Variants in CRISP2 observed in about 807,000 individuals in gnomAD.
The protein encoded by CRISP2 is cysteine rich secretory protein 2.
In CRISP2, 29 loss-of-function variants were observed where a neutral mutation model predicts 31.7. The observed-to-expected ratio is 0.92, with a 90% CI of 0.68 to 1.25. The LOEUF is 1.25. Ranked by LOEUF, CRISP2 falls within the 50% of genes most tolerant of loss-of-function variation. The probability of loss-of-function intolerance (pLI) is 0.00; values close to 1 mark genes in which losing one functional copy is unlikely to be tolerated. For missense variants in CRISP2, 318 were observed against 286.5 expected (o/e 1.11, Z -0.79); for synonymous variants, 111 against 101.4 (o/e 1.09, Z -0.57).
chr6:49,690,036 A>G (rs1763999017), downstream of CRISP2, among the ~76,000 whole-genome samples: 1 of 152,186 alleles, frequency 6.6e-6, no homozygotes, highest in South Asian at 2.1e-4. Context: ...ATTTAAAGAG[A>G]ACTTGCATTT....
chr6:49,712,779 G>C (rs1768260739), intron 1 of CRISP2, among the ~76,000 whole-genome samples, 175 bp from the exon 2 acceptor site: 1 of 152,158 alleles, frequency 6.6e-6, no homozygotes, highest in Non-Finnish European at 1.5e-5. Flanking sequence ...TCTGAGGTCA[G>C]ATTGTATTTC....
intron 3 of CRISP2, among the ~76,000 whole-genome samples, chr6:49,709,426 T>C (rs556831696): frequency 1.6e-4 from 24 of 152,304 alleles, no homozygotes; most frequent in Non-Finnish European, 3.2e-4. Context: ...TGAAGAACTC[T>C]ACTGATGCCC....
the CRISP2 span, among the ~76,000 whole-genome samples, chr6:49,679,905 G>A: frequency 6.6e-6 from 1 of 151,886 alleles, no homozygotes; most frequent in Non-Finnish European, 1.5e-5. Context: ...AGGTTTTCAC[G>A]ATGTTGGTCA....
intron 9 of CRISP2, 148 bp from the exon 10 acceptor site, chr6:49,693,048 G>T: frequency 1.4e-6 from 1 of 730,256 alleles, no homozygotes; most frequent in South Asian, 1.9e-5. Context: ...CTTTATGGCT[G>T]CATAGTATTC....
At chr6:49,702,164 T>C (rs867055874) in intron 4 of CRISP2, among the ~76,000 whole-genome samples, 1 of 120,862 alleles carries the variant, frequency 8.3e-6, no homozygotes, top group African/African-American at 2.9e-5. Flanking sequence ...TATATATATA[T>C]ATATATATAT....
rs1329482621 is a variant in CRISP2 at position 49,699,785 on chromosome 6, T to A, written c.271+19A>T. 7 of 1,515,168 alleles carry A rather than the reference T, an allele frequency of 4.6e-6. No homozygotes were observed. The highest frequency in any genetic ancestry group is 3.4e-5 in the Admixed American group (2 of 59,536). 93.9% of individuals were successfully genotyped at this position (1,515,168 alleles called of 1,614,324 possible). Reference sequence around the variant, plus strand: ...TTTATTCATTTATTTATTCAACAAATATTTACTAATTTACATACTGGTTTT... The same window carrying A: ...TTTATTCATTTATTTATTCAACAAAAATTTACTAATTTACATACTGGTTTT... On this transcript the variant is annotated intron_variant, in intron 6 of 9. Transcript: ENST00000339139.
chr6:49,689,613 AT>A (rs1763987485), downstream of CRISP2, among the ~76,000 whole-genome samples: 1 of 152,264 alleles, frequency 6.6e-6, no homozygotes, highest in African/African-American at 2.4e-5. Flanking sequence ...AATAATAACA[AT>A]AACGCTTTAA....
At position 49,701,700 on chromosome 6, in the gene CRISP2, T is replaced by TTATATATGTATACATTATA. The variant is rs1362375255; in HGVS notation, c.67-917_67-916insTATAATGTATACATATATA. 1.1e-4 allele frequency among the ~76,000 whole-genome samples: 11 copies of TTATATATGTATACATTATA among 98,578 alleles called. 1 individual carries two copies. Among genetic ancestry groups the TTATATATGTATACATTATA allele is most frequent in the African/African-American group, 2.8e-4 (6 of 21,648 alleles). 64.7% of individuals were successfully genotyped at this position (98,578 alleles called of 152,430 possible). ...TATGTATACATTATATATGTATACA[T>TTATATATGTATACATTATA]TATGTATACATATATAATGTATATA... On this transcript the variant is annotated intron_variant, in intron 4 of 9. Coordinates refer to ENST00000339139, the MANE Select transcript of CRISP2 (RefSeq NM_003296.4).
At chr6:49,700,538 G>A (rs1582066247) in intron 5 of CRISP2, 130 bp downstream of exon 5, 1 of 690,818 alleles carries the variant, frequency 1.4e-6, no homozygotes, top group Non-Finnish European at 2.6e-6. Flanking sequence ...TCCATATAAT[G>A]GTTCAAATAA....
chr6:49,695,108 T>TA (rs1186503622), intron 9 of CRISP2, among the ~76,000 whole-genome samples: 1 of 152,200 alleles, frequency 6.6e-6, no homozygotes, highest in Admixed American at 6.5e-5. Context: ...GTGTCAACTT[T>TA]ATCATTCATA....
chr6:49,678,631 T>C, the CRISP2 span, among the ~76,000 whole-genome samples: 3 of 152,060 alleles, frequency 2.0e-5, no homozygotes, highest in Non-Finnish European at 4.4e-5. Context: ...AGCATCGGGA[T>C]TTAAATTGAA....
At chr6:49,712,341 C>T (rs1582163537) in intron 2 of CRISP2, among the ~76,000 whole-genome samples, 160 bp downstream of exon 2, 2 of 152,200 alleles carry the variant, frequency 1.3e-5, no homozygotes, top group African/African-American at 4.8e-5. Flanking sequence ...CTAACCTATA[C>T]TCATCTTCAT....
At chr6:49,683,280 T>C in the CRISP2 span, among the ~76,000 whole-genome samples, 1 of 152,124 alleles carries the variant, frequency 6.6e-6, no homozygotes, top group Non-Finnish European at 1.5e-5. Flanking sequence ...TGTATACCTA[T>C]GTAAATAGCA....
the CRISP2 span, among the ~76,000 whole-genome samples, chr6:49,685,661 C>T: frequency 1.3e-5 from 2 of 152,152 alleles, no homozygotes; most frequent in Non-Finnish European, 2.9e-5. Context: ...AAAATAAACA[C>T]AACTTTATTG....
the CRISP2 span, among the ~76,000 whole-genome samples, chr6:49,680,155 C>G: frequency 5.3e-5 from 8 of 152,262 alleles, no homozygotes; most frequent in Middle Eastern, 3.4e-3. Context: ...CTCCTGCATC[C>G]TCCACCCTCT....
intron 4 of CRISP2, among the ~76,000 whole-genome samples, chr6:49,702,415 A>G (rs73437871): frequency 0.033 from 5,043 of 151,670 alleles, 297 homozygotes; most frequent in African/African-American, 0.12. Flanking sequence ...GTAATAGCTT[A>G]CATTCCCACC....
At chr6:49,707,818 G>A (rs1483603536) in intron 4 of CRISP2, among the ~76,000 whole-genome samples, 2 of 152,174 alleles carry the variant, frequency 1.3e-5, no homozygotes, top group Non-Finnish European at 2.9e-5. Context: ...CTGCTCAGGA[G>A]ATACACACTG....
chr6:49,683,144 G>A, the CRISP2 span, among the ~76,000 whole-genome samples: 2 of 142,100 alleles, frequency 1.4e-5, no homozygotes, highest in East Asian at 4.4e-4. Context: ...GGCGACATGA[G>A]TGAAACTCCA....
In CRISP2 at chr6:49,711,618, A is replaced by G. The variant is rs762578528; in HGVS notation, c.-46-297T>C. Among the ~76,000 whole-genome samples, 16 of 152,246 alleles carry G rather than the reference A, an allele frequency of 1.1e-4. No individual in the cohort carries two copies. The South Asian group carries it at 3.1e-3, about 30-fold the overall frequency. On this transcript the variant is annotated intron_variant, in intron 2 of 9. Coordinates refer to ENST00000339139, the MANE Select transcript of CRISP2 (RefSeq NM_003296.4). ...GTGGCCTTTTTGGACTAGTATTTCT[A>G]TATTGACAACCCAAGACAGGTTAAC...
Sources: gnomAD v4.1 joint callset for allele counts (sites outside exome capture counted in the v4.1 genomes callset) on GRCh38, gnomAD v4.1.1 for gene constraint, MANE v1.5 for transcripts, NCBI Gene and HGNC (gene_info 2026-07-23, HGNC 2026-07-21) for gene names.